The following KHDRBS2 variants were observed in gnomAD, a reference collection of about 807,000 sequenced individuals.
The protein encoded by KHDRBS2 is KH RNA binding domain containing, signal transduction associated 2, also known as KH domain-containing, RNA-binding, signal transduction-associated protein 2.
A neutral mutation model predicts 44.3 loss-of-function variants in KHDRBS2; 26 were observed. The observed-to-expected ratio is 0.59, with a 90% CI of 0.43 to 0.81. The LOEUF (loss-of-function observed/expected upper bound fraction) is 0.81, where lower values mean the gene tolerates loss of function less well. Ranked by LOEUF, KHDRBS2 falls within the 40% of genes least tolerant of loss-of-function variation. The probability of loss-of-function intolerance (pLI) is 0.00; values close to 1 mark genes in which losing one functional copy is unlikely to be tolerated. For missense variants in KHDRBS2, 476 were observed against 433.1 expected, an observed-to-expected ratio of 1.10 and a Z score of -0.88; for synonymous variants, 194 against 151.1, an observed-to-expected ratio of 1.28 and a Z score of -2.08.
At chr6:61,802,249 T>C (rs997758368) in intron 6 of KHDRBS2, among the ~76,000 whole-genome samples, 3 of 152,034 alleles carry the variant, frequency 2.0e-5, no homozygotes, top group Non-Finnish European at 4.4e-5. Flanking sequence ...AACAGAAAAA[T>C]CAGTTAAGTC....
the KHDRBS2 span, among the ~76,000 whole-genome samples, chr6:61,618,668 G>A: frequency 2.6e-5 from 4 of 151,938 alleles, no homozygotes; most frequent in Non-Finnish European, 4.4e-5. Flanking sequence ...GTTCCTTTCC[G>A]TCTGTACATG....
chr6:61,761,496 C>T (rs1582663138), intron 6 of KHDRBS2, among the ~76,000 whole-genome samples: 2 of 152,042 alleles, frequency 1.3e-5, no homozygotes, highest in African/African-American at 4.8e-5. Flanking sequence ...TAATATGTTC[C>T]TGAATATTTA....
chr6:62,172,769 A>G (rs746630807), intron 2 of KHDRBS2, among the ~76,000 whole-genome samples: 1 of 151,786 alleles, frequency 6.6e-6, no homozygotes, highest in East Asian at 1.9e-4. Flanking sequence ...ATAAAAATAC[A>G]TATCAATGCT....
At chr6:61,564,980 A>C in the KHDRBS2 span, among the ~76,000 whole-genome samples, 2 of 143,946 alleles carry the variant, frequency 1.4e-5, no homozygotes, top group African/African-American at 4.9e-5. Flanking sequence ...AAATAAATTT[A>C]CACATTTACA....
At chr6:62,043,164 A>T (rs1786923075) in intron 3 of KHDRBS2, among the ~76,000 whole-genome samples, 1 of 152,030 alleles carries the variant, frequency 6.6e-6, no homozygotes. Flanking sequence ...TATTTGTCAC[A>T]GTTTTCAAAA....
chr6:61,736,579 A>G (rs1033882492), intron 6 of KHDRBS2, among the ~76,000 whole-genome samples: 1 of 152,038 alleles, frequency 6.6e-6, no homozygotes, highest in Non-Finnish European at 1.5e-5. Flanking sequence ...AACAGGAGGC[A>G]AGGCAGTTTT....
At chr6:62,161,198 A>G (rs1270564100) in intron 2 of KHDRBS2, among the ~76,000 whole-genome samples, 1 of 151,982 alleles carries the variant, frequency 6.6e-6, no homozygotes, top group Non-Finnish European at 1.5e-5. Flanking sequence ...GTCTCTTATA[A>G]ATAGCATATA....
chr6:61,850,832 C>A (rs891109714), intron 6 of KHDRBS2, among the ~76,000 whole-genome samples: 1 of 152,088 alleles, frequency 6.6e-6, no homozygotes, highest in African/African-American at 2.4e-5. Flanking sequence ...ACCAACAGGA[C>A]AACACGAGGC....
In KHDRBS2 at chr6:61,804,389, T is replaced by C. The variant is rs566384162; in HGVS notation, c.811-71625A>G. On this transcript the variant is annotated intron_variant, in intron 6 of 8. Coordinates refer to ENST00000281156, the MANE Select transcript of KHDRBS2 (RefSeq NM_152688.4). ...CCCCCTCCCAGCTGTGTTCATGGGC[T>C]GGCATTGAATGTCTGTGGATTTTCT... is the stretch of plus-strand genomic sequence containing the variant. 6.6e-5 allele frequency among the ~76,000 whole-genome samples: 10 copies of C among 152,270 alleles called. No homozygotes were observed. The East Asian group carries it at 1.9e-3, about 30-fold the overall frequency.
At chr6:62,135,397 C>T (rs1054370057) in intron 2 of KHDRBS2, among the ~76,000 whole-genome samples, 26 of 152,260 alleles carry the variant, frequency 1.7e-4, no homozygotes, top group African/African-American at 6.3e-4. Context: ...TACCCAGTCT[C>T]AGGTATGTCT....
chr6:61,580,958 A>C, the KHDRBS2 span, among the ~76,000 whole-genome samples: 1 of 152,236 alleles, frequency 6.6e-6, no homozygotes, highest in African/African-American at 2.4e-5. Context: ...TATAATAAAA[A>C]ATATAATACT....
At chr6:62,152,212 G>A (rs915625075) in intron 2 of KHDRBS2, among the ~76,000 whole-genome samples, 5 of 152,064 alleles carry the variant, frequency 3.3e-5, no homozygotes, top group East Asian at 1.9e-4. Flanking sequence ...CCAGCTTCTC[G>A]GGAGGCTGAG....
intron 1 of KHDRBS2, among the ~76,000 whole-genome samples, chr6:62,225,400 T>G (rs1189157711): frequency 6.6e-6 from 1 of 152,232 alleles, no homozygotes; most frequent in Non-Finnish European, 1.5e-5. Context: ...AATCTATTAA[T>G]CAGCTATTCA....
intron 4 of KHDRBS2, among the ~76,000 whole-genome samples, chr6:61,954,450 T>G (rs1379540001): frequency 6.8e-6 from 1 of 146,636 alleles, no homozygotes; most frequent in Non-Finnish European, 1.5e-5. Flanking sequence ...CATATATACG[T>G]ATGTATGTAT....
chr6:62,268,795 T>C (rs1298671591), intron 1 of KHDRBS2, among the ~76,000 whole-genome samples: 1 of 151,982 alleles, frequency 6.6e-6, no homozygotes, highest in African/African-American at 2.4e-5. Context: ...AAATTTAAAG[T>C]AGAGTATAAA....
intron 2 of KHDRBS2, among the ~76,000 whole-genome samples, chr6:62,161,566 G>T (rs1817628955): frequency 1.4e-5 from 1 of 69,188 alleles, no homozygotes; most frequent in Non-Finnish European, 3.2e-5. Flanking sequence ...GAGAATTTTG[G>T]TATTTGCGGG....
the KHDRBS2 span, among the ~76,000 whole-genome samples, chr6:61,544,289 A>T: frequency 1.3e-5 from 2 of 152,058 alleles, no homozygotes; most frequent in Non-Finnish European, 2.9e-5. Flanking sequence ...ATTCTTACCA[A>T]ATTAACTAGT....
chr6:61,945,508 A>ATT (rs991561939), intron 4 of KHDRBS2, among the ~76,000 whole-genome samples: 1 of 151,878 alleles, frequency 6.6e-6, no homozygotes, highest in Non-Finnish European at 1.5e-5. Flanking sequence ...CCACATCTGT[A>ATT]TTTTTTACTG....
the KHDRBS2 span, among the ~76,000 whole-genome samples, chr6:61,609,958 G>T: frequency 2.6e-5 from 4 of 152,296 alleles, no homozygotes; most frequent in Admixed American, 2.6e-4. Context: ...AGGATCACGA[G>T]GTCAGGAGAT....
Sources: gnomAD v4.1 joint callset for allele counts (sites outside exome capture counted in the v4.1 genomes callset) on GRCh38, gnomAD v4.1.1 for gene constraint, MANE v1.5 for transcripts, NCBI Gene and HGNC (gene_info 2026-07-23, HGNC 2026-07-21) for gene names.